Variants in INTS7 observed in about 807,000 individuals in gnomAD.
INTS7 encodes the protein integrator complex subunit 7, also known as chromosome 1 open reading frame 73.
INTS7 carries 46 observed loss-of-function variants against 109.2 expected under a neutral mutation model. The ratio of observed to expected loss-of-function variants is 0.42; its 90% CI spans 0.33 to 0.54. The LOEUF (loss-of-function observed/expected upper bound fraction) is 0.54. INTS7 is among the 20% of genes least tolerant of loss of function. The probability of loss-of-function intolerance (pLI) is 0.07; values close to 1 mark genes in which losing one functional copy is unlikely to be tolerated. For synonymous variants in INTS7, 412 were observed against 402.9 expected (o/e 1.02, Z -0.27); for missense variants, 929 against 1,132.4 (o/e 0.82, Z 2.58).
chr1:212,007,455 C>T lies in INTS7; in HGVS notation c.557-6G>A. Reference sequence around the variant, plus strand: ...GTCTACTGGTGTCGCTAAACCTAGACACAAAAATAATTCTCAAGGTATTTG... The same window carrying T: ...GTCTACTGGTGTCGCTAAACCTAGATACAAAAATAATTCTCAAGGTATTTG... On this transcript the variant is annotated splice_region_variant and splice_polypyrimidine_tract_variant and intron_variant, in intron 5 of 19. Coordinates refer to ENST00000366994, the MANE Select transcript of INTS7 (RefSeq NM_015434.4). The T allele has an allele frequency of 1.2e-6, 2 of 1,602,460 alleles. No individual in the cohort carries two copies. The highest frequency in any genetic ancestry group is 1.7e-6 in the Non-Finnish European group (2 of 1,169,476).
intron 1 of INTS7, among the ~76,000 whole-genome samples, chr1:212,034,436 C>T (rs775369076): frequency 3.3e-5 from 5 of 152,158 alleles, no homozygotes; most frequent in Non-Finnish European, 5.9e-5. Context: ...GAGTTCTAGT[C>T]CAGTTCTCCA....
intron 4 of INTS7, among the ~76,000 whole-genome samples, chr1:212,013,934 T>C (rs1666281102): frequency 6.6e-6 from 1 of 152,162 alleles, no homozygotes; most frequent in African/African-American, 2.4e-5. Flanking sequence ...TGTAACCTCA[T>C]AGTTAAGAGA....
At position 211,967,872 on chromosome 1, in the gene INTS7, G is replaced by A. The variant is rs1366363599; in HGVS notation, c.2114+6C>T. 4 of 1,520,350 alleles carry A rather than the reference G, an allele frequency of 2.6e-6. No homozygotes were observed. The Admixed American group carries it at 5.2e-5, about 20-fold the overall frequency. The allele number at this position is 1,520,350 out of a possible 1,614,324, so 94.2% of individuals were successfully genotyped here. ...AACAAGAAGTACTAGGGCAAGCTTG[G>A]GATACAGTTCAACATTCCTCAAAGT... is the stretch of plus-strand genomic sequence containing the variant. On this transcript the variant is annotated splice_donor_region_variant and intron_variant, in intron 15 of 19. Coordinates refer to ENST00000366994, the MANE Select transcript of INTS7 (RefSeq NM_015434.4).
intron 13 of INTS7, 88 bp downstream of exon 13, chr1:211,975,078 A>C: frequency 2.3e-6 from 2 of 863,256 alleles, no homozygotes; most frequent in South Asian, 1.6e-5. Context: ...AGGTTTCTCA[A>C]GTTAGTTGAA....
intron 17 of INTS7, 71 bp downstream of exon 17, chr1:211,952,498 A>C: frequency 6.7e-7 from 1 of 1,491,908 alleles, no homozygotes; most frequent in Middle Eastern, 1.7e-4. Flanking sequence ...GAACTCACAC[A>C]GTAAGTGCCA....
At chr1:212,008,156 A>G (rs1666017809) in intron 5 of INTS7, among the ~76,000 whole-genome samples, 1 of 152,232 alleles carries the variant, frequency 6.6e-6, no homozygotes, top group South Asian at 2.1e-4. Context: ...AACGTAAGAC[A>G]GCATTTCAAC....
chr1:212,016,536 GA>G (rs1666450841), intron 4 of INTS7, among the ~76,000 whole-genome samples: 1 of 152,174 alleles, frequency 6.6e-6, no homozygotes, highest in South Asian at 2.1e-4. Flanking sequence ...AACATTAGAA[GA>G]CAGTAAGTAA....
chr1:211,986,616 A>G (rs2102435819), intron 8 of INTS7, among the ~76,000 whole-genome samples: 2 of 152,332 alleles, frequency 1.3e-5, no homozygotes, highest in African/African-American at 4.8e-5. Context: ...CTTCTGTTAC[A>G]GGGTACCAGA....
intron 13 of INTS7, among the ~76,000 whole-genome samples, chr1:211,974,270 A>ATATAT (rs1664306386): frequency 6.5e-4 from 66 of 101,878 alleles, no homozygotes; most frequent in African/African-American, 2.2e-3. Context: ...CTTCCCAGAA[A>ATATAT]AAAAAAATAT....
In INTS7 at chr1:212,017,034, A is replaced by G; in HGVS notation, c.372-11T>C. ...AGACTTCCCAACATCCTACAGAAAC[A>G]GAGAAACCCAAGAAGATCGGGCATA... is the stretch of plus-strand genomic sequence containing the variant. On this transcript the variant is annotated splice_polypyrimidine_tract_variant and intron_variant, in intron 3 of 19. Transcript: ENST00000366994. 1 of 1,561,350 alleles carries G rather than the reference A, an allele frequency of 6.4e-7. No individual in the cohort carries two copies. Among genetic ancestry groups the G allele is most frequent in the East Asian group, 2.4e-5 (1 of 41,824 alleles).
intron 7 of INTS7, among the ~76,000 whole-genome samples, chr1:211,993,619 G>A (rs541024707): frequency 6.7e-6 from 1 of 149,970 alleles, no homozygotes. Context: ...GGCAGAGGTT[G>A]CAGTGAGCTG....
intron 5 of INTS7, among the ~76,000 whole-genome samples, chr1:212,009,040 T>A (rs1156499770): frequency 6.6e-6 from 1 of 152,172 alleles, no homozygotes; most frequent in East Asian, 1.9e-4. Context: ...CTCAGAGGGA[T>A]CTTTGTGTTT....
chr1:212,019,139 T>C (rs1666580395), intron 3 of INTS7, among the ~76,000 whole-genome samples: 1 of 152,050 alleles, frequency 6.6e-6, no homozygotes, highest in African/African-American at 2.4e-5. Flanking sequence ...CAATCCCAGC[T>C]ACTCGGGAGG....
At chr1:212,022,530 C>A (rs998301889) in intron 1 of INTS7, among the ~76,000 whole-genome samples, 1 of 152,166 alleles carries the variant, frequency 6.6e-6, no homozygotes, top group East Asian at 1.9e-4. Context: ...AATATAAGCA[C>A]ATGAACAGAT....
intron 16 of INTS7, among the ~76,000 whole-genome samples, chr1:211,958,244 T>A (rs1290752783): frequency 6.6e-6 from 1 of 152,184 alleles, no homozygotes; most frequent in Non-Finnish European, 1.5e-5. Context: ...ATGCCTTAAT[T>A]TAACCTTGAT....
At chr1:211,985,636 A>T (rs1664862378) in intron 8 of INTS7, among the ~76,000 whole-genome samples, 1 of 152,234 alleles carries the variant, frequency 6.6e-6, no homozygotes, top group Non-Finnish European at 1.5e-5. Flanking sequence ...CATGTAAGTC[A>T]GTTTGGTACA....
At chr1:211,972,150 T>C (rs1664211884) in intron 13 of INTS7, among the ~76,000 whole-genome samples, 2 of 152,242 alleles carry the variant, frequency 1.3e-5, no homozygotes, top group East Asian at 1.9e-4. Flanking sequence ...TAAAAGGTAA[T>C]GGTAATGTCC....
intron 17 of INTS7, among the ~76,000 whole-genome samples, chr1:211,948,908 T>C (rs1015829333): frequency 2.6e-5 from 4 of 152,214 alleles, no homozygotes; most frequent in African/African-American, 9.6e-5. Flanking sequence ...GGTTTCACCA[T>C]GTTGGTCAGG....
chr1:211,944,953 G>C lies in INTS7; in HGVS notation c.2432C>G (p.Ser811Trp). 6.2e-7 allele frequency: 1 copy of C among 1,613,750 alleles called. No individual in the cohort carries two copies. The highest frequency in any genetic ancestry group is 8.5e-7 in the Non-Finnish European group (1 of 1,179,902). ...STSIKLALSP[S>W]PRNPAEPIAV... is the part of the protein sequence containing the mutation. ...AATGGGCTCTGCAGGATTCCGGGGC[G>C]ATGGTGACAGAGCAAGCTGGAATGC... The change falls in exon 19 of 20, where the codon TCG becomes TGG. Residue 811 changes from serine to tryptophan, a missense_variant. Ser to Trp is a radical substitution (Grantham distance 177). This residue lies in a region of INTS7 where 787 missense variants were observed against 901.1 expected (regional missense o/e 0.87). Transcript: ENST00000366994.
Sources: allele counts gnomAD v4.1 joint callset (sites outside exome capture counted in the v4.1 genomes callset), GRCh38; gene constraint gnomAD v4.1.1; regional missense constraint gnomAD v4.1.1; transcripts MANE v1.5; gene names NCBI Gene and HGNC (gene_info 2026-07-23, HGNC 2026-07-21).